IQGAP2: variants seen among roughly 807,000 people sequenced by gnomAD.
IQGAP2 encodes the protein IQ motif containing GTPase activating protein 2.
A neutral mutation model predicts 201.3 loss-of-function variants in IQGAP2; 173 were observed. The ratio of observed to expected loss-of-function variants is 0.86; its 90% CI spans 0.76 to 0.98. The LOEUF (loss-of-function observed/expected upper bound fraction) is 0.98. Among genes scored for constraint, IQGAP2 ranks in the 50% least tolerant of loss-of-function variants. The pLI is 0.00. For synonymous variants in IQGAP2, 675 were observed against 673.9 expected, an observed-to-expected ratio of 1.00 and a Z score of -0.03; for missense variants, 1,687 against 1,864.8, an observed-to-expected ratio of 0.90 and a Z score of 1.76.
rs1293589298 is a variant in IQGAP2 at position 76,463,146 on chromosome 5, AAAAG to A, written c.146+1489_146+1492del. Among the ~76,000 whole-genome samples, 8 of 148,600 alleles carry A rather than the reference AAAAG, an allele frequency of 5.4e-5. No homozygotes were observed. The East Asian group carries it at 9.7e-4, about 18-fold the overall frequency. ...TTTAAAAAAAAAAAAAAAAAAAAGGAAAAGAAAGAAAGAAAAAGAAAAGAAAAAA... is the reference window on the plus strand; with the variant it reads ...TTTAAAAAAAAAAAAAAAAAAAAGGAAAAGAAAGAAAAAGAAAAGAAAAAA... On this transcript the variant is annotated intron_variant, in intron 2 of 35. Transcript: ENST00000274364.
Position 76,671,784 on chromosome 5 carries a change from A to G in IQGAP2, c.2869A>G (p.Ile957Val). 6.2e-7 allele frequency: 1 copy of G among 1,613,900 alleles called. No individual in the cohort carries two copies. The highest frequency in any genetic ancestry group is 8.5e-7 in the Non-Finnish European group (1 of 1,179,880). Reference protein sequence around the residue: ...IKSKVDQVQDIVTGNPTVIKM... With the variant: ...IKSKVDQVQDVVTGNPTVIKM... ...ATCAAAAGTGGACCAGGTACAGGAC[A>G]TAGTTACTGGTAACCCTACAGTCAT... is the stretch of plus-strand genomic sequence containing the variant. The change falls in exon 24 of 36, where the codon ATA (isoleucine) becomes GTA (valine). Residue 957 changes from isoleucine to valine, a missense_variant. By Grantham distance (29) the Ile-to-Val change is conservative. Transcript: ENST00000274364.
Position 76,668,829 on chromosome 5 carries a change from T to A in IQGAP2, c.2828T>A (p.Leu943Gln). 6.3e-7 allele frequency: 1 copy of A among 1,593,722 alleles called. No homozygotes were observed. Among genetic ancestry groups the A allele is most frequent in the Non-Finnish European group, 8.5e-7 (1 of 1,170,060 alleles). Residue 943 changes from leucine (L) to glutamine (Q), a missense_variant, in exon 23 of 36, where the codon CTG becomes CAG. Physicochemically the swap from Leu to Gln is moderately radical, Grantham distance 113 (BLOSUM62 -2). Coordinates refer to ENST00000274364, the MANE Select transcript of IQGAP2 (RefSeq NM_006633.5). ...CTTCTCAAGCTTTTTAAAACTGCTCTGGAGGAAGAAATAAAGTATGTATAC... is the reference window on the plus strand; with the variant it reads ...CTTCTCAAGCTTTTTAAAACTGCTCAGGAGGAAGAAATAAAGTATGTATAC... ...YLLLKLFKTALEEEIKSKVDQ... is the reference protein window; with the variant it reads ...YLLLKLFKTAQEEEIKSKVDQ...
intron 28 of IQGAP2, among the ~76,000 whole-genome samples, chr5:76,680,064 C>T (rs550732408): frequency 2.0e-5 from 3 of 152,142 alleles, no homozygotes; most frequent in African/African-American, 7.2e-5. Flanking sequence ...CAAACAGATA[C>T]TCTCTCCTTC....
chr5:76,485,137 T>G (rs1278988004), intron 2 of IQGAP2, among the ~76,000 whole-genome samples: 5 of 152,286 alleles, frequency 3.3e-5, no homozygotes, highest in Non-Finnish European at 5.9e-5. Context: ...AAAATCATTT[T>G]CATACCTGCT....
At chr5:76,513,711 G>A (rs1758129567) in intron 2 of IQGAP2, among the ~76,000 whole-genome samples, 1 of 152,180 alleles carries the variant, frequency 6.6e-6, no homozygotes, top group Non-Finnish European at 1.5e-5. Context: ...CTAAGGGGAG[G>A]GAGGGATGAA....
Position 76,697,967 on chromosome 5 carries a change from C to G in IQGAP2, c.4207-20C>G. 6.3e-7 allele frequency: 1 copy of G among 1,594,690 alleles called. No individual in the cohort carries two copies. The highest frequency in any genetic ancestry group is 8.6e-7 in the Non-Finnish European group (1 of 1,169,144). ...AGCAAACTTCTGCTTAAATATGATACCCCTTACTTGTTGTTTTAGGATATT... is the reference window on the plus strand; with the variant it reads ...AGCAAACTTCTGCTTAAATATGATAGCCCTTACTTGTTGTTTTAGGATATT... On this transcript the variant is annotated intron_variant, in intron 32 of 35. Transcript: ENST00000274364.
chr5:76,639,774 G>A (rs759991103), intron 16 of IQGAP2, among the ~76,000 whole-genome samples: 7 of 152,120 alleles, frequency 4.6e-5, no homozygotes, highest in Non-Finnish European at 7.4e-5. Flanking sequence ...AATACTTAAT[G>A]ACAAGAAGAT....
intron 2 of IQGAP2, among the ~76,000 whole-genome samples, chr5:76,543,183 T>C (rs2150222510): frequency 6.6e-6 from 1 of 152,210 alleles, no homozygotes; most frequent in South Asian, 2.1e-4. Flanking sequence ...GCAGCATGAT[T>C]TGTTATTGCA....
chr5:76,491,755 C>G (rs1413364500), intron 2 of IQGAP2, among the ~76,000 whole-genome samples: 1 of 152,224 alleles, frequency 6.6e-6, no homozygotes, highest in East Asian at 1.9e-4. Flanking sequence ...CTACCACCCT[C>G]CAGGCAAAGC....
At position 76,668,833 on chromosome 5, in the gene IQGAP2, G is replaced by A. The variant is rs1434079084; in HGVS notation, c.2832G>A (p.Glu944=). The A allele has an allele frequency of 6.3e-7, 1 of 1,588,828 alleles. No homozygotes were observed. The highest frequency in any genetic ancestry group is 1.8e-5 in the Admixed American group (1 of 57,128). ...LLLKLFKTAL[E]EEIKSKVDQV... ...TCAAGCTTTTTAAAACTGCTCTGGA[G>A]GAAGAAATAAAGTATGTATACAAAT... Residue 944 remains glutamate, a synonymous_variant, in exon 23 of 36, where the codon GAG becomes GAA. Coordinates refer to ENST00000274364, the MANE Select transcript of IQGAP2 (RefSeq NM_006633.5).
intron 11 of IQGAP2, among the ~76,000 whole-genome samples, chr5:76,601,547 A>G (rs892881241): frequency 3.3e-5 from 5 of 152,260 alleles, no homozygotes; most frequent in Admixed American, 2.6e-4. Context: ...ATAAAACACT[A>G]TAGCGGATCT....
chr5:76,531,374 C>A (rs1175949430), intron 2 of IQGAP2, among the ~76,000 whole-genome samples: 1 of 152,150 alleles, frequency 6.6e-6, no homozygotes, highest in African/African-American at 2.4e-5. Flanking sequence ...TCAAGCAATC[C>A]ACGTGAGTAG....
chr5:76,663,345 G>A (rs1561565133), intron 21 of IQGAP2, among the ~76,000 whole-genome samples: 1 of 152,166 alleles, frequency 6.6e-6, no homozygotes, highest in Non-Finnish European at 1.5e-5. Context: ...CTCACGTGGA[G>A]GTCCAGCTAA....
intron 17 of IQGAP2, among the ~76,000 whole-genome samples, chr5:76,643,651 T>G (rs1016690927): frequency 6.6e-6 from 1 of 152,180 alleles, no homozygotes; most frequent in Non-Finnish European, 1.5e-5. Flanking sequence ...AGGAAGTTTT[T>G]TTCATGAACT....
At chr5:76,438,861 A>C (rs1230047676) in intron 1 of IQGAP2, among the ~76,000 whole-genome samples, 1 of 151,914 alleles carries the variant, frequency 6.6e-6, no homozygotes, top group Non-Finnish European at 1.5e-5. Flanking sequence ...TGTTTCACTG[A>C]CGTTTTGTAT....
At chr5:76,600,559 T>C (rs1747360808) in intron 10 of IQGAP2, among the ~76,000 whole-genome samples, 1 of 152,192 alleles carries the variant, frequency 6.6e-6, no homozygotes, top group South Asian at 2.1e-4. Context: ...GCAATGGGAA[T>C]GCAGATATTT....
At chr5:76,569,302 AT>A (rs1242824498) in intron 3 of IQGAP2, among the ~76,000 whole-genome samples, 3 of 152,196 alleles carry the variant, frequency 2.0e-5, no homozygotes, top group Non-Finnish European at 4.4e-5. Context: ...ATCTTTCCAT[AT>A]CTTTAAAAAA....
intron 2 of IQGAP2, among the ~76,000 whole-genome samples, chr5:76,514,015 T>TCC: frequency 2.4e-5 from 1 of 41,794 alleles, no homozygotes; most frequent in African/African-American, 1.3e-4. Flanking sequence ...TGTTGCCTTT[T>TCC]TTTTTTTTTT....
chr5:76,625,675 C>G (rs1204405479), intron 13 of IQGAP2, among the ~76,000 whole-genome samples: 1 of 152,188 alleles, frequency 6.6e-6, no homozygotes, highest in Non-Finnish European at 1.5e-5. Context: ...GAGCCCTTTC[C>G]ACATGCATTA....
Sources: gnomAD v4.1 joint callset for allele counts (sites outside exome capture counted in the v4.1 genomes callset) on GRCh38, gnomAD v4.1.1 for gene constraint, MANE v1.5 for transcripts, NCBI Gene and HGNC (gene_info 2026-07-23, HGNC 2026-07-21) for gene names.